Variants in ANKRD44 observed in about 807,000 individuals in gnomAD.
ANKRD44 encodes serine/threonine-protein phosphatase 6 regulatory ankyrin repeat subunit B.
In ANKRD44, 35 loss-of-function variants were observed where a neutral mutation model predicts 116.0. That is an observed-to-expected ratio of 0.30 (90% CI 0.23 to 0.40). The LOEUF is 0.40. Among genes scored for constraint, ANKRD44 ranks in the 10% least tolerant of loss-of-function variants. The pLI, the probability that ANKRD44 is intolerant of heterozygous loss-of-function variation, is 1.00. For synonymous variants in ANKRD44, 435 were observed against 461.8 expected, an observed-to-expected ratio of 0.94 and a Z score of 0.74; for missense variants, 1,014 against 1,242.6, an observed-to-expected ratio of 0.82 and a Z score of 2.77.
chr2:197,146,360 T>C (rs2079502166), intron 3 of ANKRD44, among the ~76,000 whole-genome samples: 1 of 152,186 alleles, frequency 6.6e-6, no homozygotes, highest in Non-Finnish European at 1.5e-5. Flanking sequence ...TTTTATGCTT[T>C]CATCACATAG....
intron 16 of ANKRD44, chr2:197,030,049 T>C (rs1559004095): frequency 1.3e-5 from 2 of 158,970 alleles, no homozygotes. Context: ...ATGAGTCCCA[T>C]CACCTCAGAC....
chr2:197,142,839 T>C (rs905016248), intron 3 of ANKRD44, among the ~76,000 whole-genome samples: 1 of 152,106 alleles, frequency 6.6e-6, no homozygotes, highest in Admixed American at 6.6e-5. Flanking sequence ...TACCACTTGT[T>C]GGGTTGCATA....
At chr2:197,065,778 G>A (rs2077419426) in intron 16 of ANKRD44, among the ~76,000 whole-genome samples, 1 of 151,094 alleles carries the variant, frequency 6.6e-6, no homozygotes, top group Non-Finnish European at 1.5e-5. Flanking sequence ...ACTGAACTCT[G>A]AAATCAAGGC....
chr2:197,033,099 T>C (rs181182235), intron 16 of ANKRD44, among the ~76,000 whole-genome samples: 7 of 152,238 alleles, frequency 4.6e-5, no homozygotes, highest in Admixed American at 1.3e-4. Flanking sequence ...TCATCATCAA[T>C]AGCTGATGCA....
chr2:197,263,817 A>G (rs374322544), intron 1 of ANKRD44, among the ~76,000 whole-genome samples: 6 of 152,164 alleles, frequency 3.9e-5, no homozygotes, highest in African/African-American at 1.4e-4. Context: ...TCTCTCCTCT[A>G]TAGTAACAGA....
intron 3 of ANKRD44, among the ~76,000 whole-genome samples, chr2:197,143,367 C>T (rs1329745145): frequency 9.2e-6 from 1 of 108,488 alleles, no homozygotes; most frequent in Non-Finnish European, 1.7e-5. Context: ...CACCCCACAA[C>T]AGTCCCCAGA....
At chr2:197,210,114 T>A (rs1254784005) in intron 1 of ANKRD44, among the ~76,000 whole-genome samples, 6 of 152,302 alleles carry the variant, frequency 3.9e-5, no homozygotes, top group Admixed American at 2.6e-4. Context: ...TAGTGGAGAA[T>A]GTTTACTTAG....
chr2:196,971,529 T>C (rs2075715926), intron 21 of ANKRD44, among the ~76,000 whole-genome samples: 1 of 152,292 alleles, frequency 6.6e-6, no homozygotes, highest in African/African-American at 2.4e-5. Context: ...ACATTAATTA[T>C]TTTTAACAGC....
At chr2:197,150,043 A>G (rs1305284617) in intron 2 of ANKRD44, among the ~76,000 whole-genome samples, 1 of 152,188 alleles carries the variant, frequency 6.6e-6, no homozygotes, top group Non-Finnish European at 1.5e-5. Flanking sequence ...TATTTTTTCC[A>G]AATATCTGCT....
intron 2 of ANKRD44, among the ~76,000 whole-genome samples, chr2:197,158,266 G>C (rs2079871607): frequency 6.6e-6 from 1 of 152,154 alleles, no homozygotes; most frequent in Non-Finnish European, 1.5e-5. Flanking sequence ...ATATTAAGAA[G>C]GAGTGTCTTT....
chr2:197,297,639 CCCAGGTCT>C (rs1331911726), intron 1 of ANKRD44, among the ~76,000 whole-genome samples: 2 of 152,118 alleles, frequency 1.3e-5, no homozygotes, highest in African/African-American at 4.8e-5. Flanking sequence ...GTGCACATAG[CCCAGGTCT>C]CCAGACATCA....
intron 8 of ANKRD44, among the ~76,000 whole-genome samples, chr2:197,117,535 GC>G (rs2078741878): frequency 6.6e-6 from 1 of 152,068 alleles, no homozygotes; most frequent in Admixed American, 6.6e-5. Context: ...ACCGCGCCTG[GC>G]CAATTTTTGT....
chr2:196,977,638 A>G (rs780540628), intron 21 of ANKRD44, among the ~76,000 whole-genome samples: 2 of 152,248 alleles, frequency 1.3e-5, no homozygotes, highest in Non-Finnish European at 2.9e-5. Flanking sequence ...AGTGAAAACC[A>G]CAATGAGATA....
chr2:197,057,598 G>T (rs1213206197), intron 16 of ANKRD44, among the ~76,000 whole-genome samples: 1 of 152,112 alleles, frequency 6.6e-6, no homozygotes, highest in Non-Finnish European at 1.5e-5. Flanking sequence ...TTCTGACCAG[G>T]TATGGTGGCT....
chr2:197,272,875 A>C (rs1009235431), intron 1 of ANKRD44, among the ~76,000 whole-genome samples: 1 of 152,182 alleles, frequency 6.6e-6, no homozygotes, highest in Non-Finnish European at 1.5e-5. Context: ...TGTTGGAAGC[A>C]CCAAAGCAGA....
At chr2:197,169,460 C>G (rs1426895179) in intron 2 of ANKRD44, among the ~76,000 whole-genome samples, 1 of 152,168 alleles carries the variant, frequency 6.6e-6, no homozygotes, top group Non-Finnish European at 1.5e-5. Flanking sequence ...TAATACAACC[C>G]CAGCACCTGT....
chr2:197,183,121 G>C (rs1256924381), intron 2 of ANKRD44, among the ~76,000 whole-genome samples: 1 of 152,082 alleles, frequency 6.6e-6, no homozygotes, highest in Non-Finnish European at 1.5e-5. Context: ...AAATACTATT[G>C]GGGGAAATAA....
intron 16 of ANKRD44, among the ~76,000 whole-genome samples, chr2:197,074,804 T>C (rs2077631421): frequency 6.6e-6 from 1 of 152,120 alleles, no homozygotes; most frequent in East Asian, 1.9e-4. Flanking sequence ...TACAGACACA[T>C]ATAGTTATTC....
chr2:197,109,988 T>C (rs981433949), intron 9 of ANKRD44, among the ~76,000 whole-genome samples: 1 of 151,854 alleles, frequency 6.6e-6, no homozygotes, highest in African/African-American at 2.4e-5. Context: ...TGAATTTTTT[T>C]TTTTTTAAGA....
Sources: gnomAD v4.1 joint callset for allele counts (sites outside exome capture counted in the v4.1 genomes callset) on GRCh38, gnomAD v4.1.1 for gene constraint, MANE v1.5 for transcripts, NCBI Gene and HGNC (gene_info 2026-07-23, HGNC 2026-07-21) for gene names.